Variants in POU2F2 observed in about 807,000 individuals in gnomAD.
POU2F2 encodes the protein POU domain, class 2, transcription factor 2.
POU2F2 carries 14 observed loss-of-function variants against 63.5 expected under a neutral mutation model. That is an observed-to-expected ratio of 0.22 (90% CI 0.15 to 0.34). The LOEUF (loss-of-function observed/expected upper bound fraction) is 0.34, where lower values mean the gene tolerates loss of function less well. POU2F2 is among the 10% of genes least tolerant of loss of function. The pLI, the probability that POU2F2 is intolerant of heterozygous loss-of-function variation, is 1.00. For synonymous variants in POU2F2, 306 were observed against 348.6 expected (o/e 0.88, Z 1.36); for missense variants, 607 against 815.2 (o/e 0.74, Z 3.11).
At chr19:42,191,744 G>A (rs1226342197) in intron 1 of POU2F2, among the ~76,000 whole-genome samples, 2 of 152,166 alleles carry the variant, frequency 1.3e-5, no homozygotes, top group Non-Finnish European at 1.5e-5. Context: ...TGGCAGTGAG[G>A]GGCTGTCAGA....
chr19:42,195,889 T>G (rs1012863113), intron 1 of POU2F2, among the ~76,000 whole-genome samples: 1 of 151,014 alleles, frequency 6.6e-6, no homozygotes, highest in Non-Finnish European at 1.5e-5. Flanking sequence ...AAGAGATCCT[T>G]CTGCTTCAGC....
At position 42,155,110 on chromosome 19, in the gene POU2F2, A is replaced by T. The variant is rs920446076; in HGVS notation, c.-9+5222T>A. On this transcript the variant is annotated intron_variant, in intron 2 of 6. Transcript: ENST00000524801. This position sits in a 1 kb window ranked among gnomAD's most constrained non-coding sequence, Gnocchi z 4.2. ...GTGAGGTCCTTCCTTCCTGCCCCAC[A>T]GTCCTGCCCACCTGCCTCAGCTGCA... Among the ~76,000 whole-genome samples the T allele has an allele frequency of 6.6e-6, 1 of 152,180 alleles. No homozygotes were observed. Among genetic ancestry groups the T allele is most frequent in the Non-Finnish European group, 1.5e-5 (1 of 68,014 alleles).
intron 5 of POU2F2, among the ~76,000 whole-genome samples, chr19:42,108,704 C>T (rs2030559613): frequency 6.6e-6 from 1 of 152,248 alleles, no homozygotes. Context: ...CCAGCGGCAG[C>T]ATGGCCCTCT....
intron 1 of POU2F2, among the ~76,000 whole-genome samples, chr19:42,192,595 CT>C (rs1410823261): frequency 6.6e-6 from 1 of 152,152 alleles, no homozygotes; most frequent in Non-Finnish European, 1.5e-5. Flanking sequence ...CCTAATGCTT[CT>C]TTTAAACCTC....
intron 1 of POU2F2, among the ~76,000 whole-genome samples, chr19:42,128,207 T>G (rs1051768307): frequency 3.3e-5 from 5 of 152,036 alleles, no homozygotes; most frequent in African/African-American, 1.2e-4. Flanking sequence ...GAGTACGTCT[T>G]TGGAATGAAT....
intron 1 of POU2F2, among the ~76,000 whole-genome samples, chr19:42,195,330 CTT>C (rs894258162): frequency 8.0e-5 from 10 of 125,512 alleles, no homozygotes; most frequent in African/African-American, 2.2e-4. Context: ...CCCTCTTTTT[CTT>C]TTTTTTTTTT....
intron 1 of POU2F2, among the ~76,000 whole-genome samples, chr19:42,189,743 T>A (rs2035055693): frequency 6.6e-6 from 1 of 151,690 alleles, no homozygotes; most frequent in Admixed American, 6.6e-5. Context: ...GTTTGTTTTG[T>A]TTCTTTGTTT....
chr19:42,151,106 ACTGT>A (rs1366192743), intron 2 of POU2F2, among the ~76,000 whole-genome samples: 4 of 152,278 alleles, frequency 2.6e-5, no homozygotes, highest in Admixed American at 6.5e-5. Flanking sequence ...GATGGTCAGA[ACTGT>A]CTGTCAAGGT....
chr19:42,127,539 C>T (rs974926225), intron 1 of POU2F2, among the ~76,000 whole-genome samples: 5 of 152,032 alleles, frequency 3.3e-5, no homozygotes, highest in African/African-American at 4.8e-5. Context: ...CGCGCCACTA[C>T]GACTGGCTAA....
At chr19:42,158,789 C>A (rs761933487) in intron 2 of POU2F2, among the ~76,000 whole-genome samples, 4 of 152,232 alleles carry the variant, frequency 2.6e-5, no homozygotes, top group Non-Finnish European at 5.9e-5. Flanking sequence ...TTAAACCCCT[C>A]TGTTACTTCA....
At chr19:42,139,306 C>T (rs942852443) in intron 2 of POU2F2, among the ~76,000 whole-genome samples, 3 of 152,016 alleles carry the variant, frequency 2.0e-5, no homozygotes, top group African/African-American at 7.2e-5. Context: ...GGTGACAGAG[C>T]GAGACTGTCT....
At chr19:42,099,958 C>T in intron 5 of POU2F2, 137 bp from the exon 6 acceptor site, 5 of 687,546 alleles carry the variant, frequency 7.3e-6, no homozygotes, top group Middle Eastern at 4.0e-4. Flanking sequence ...AGTGAGGGAT[C>T]GTCCACTCGG....
At chr19:42,106,376 G>A (rs557150562) in intron 5 of POU2F2, among the ~76,000 whole-genome samples, 1 of 152,280 alleles carries the variant, frequency 6.6e-6, no homozygotes, top group Admixed American at 6.5e-5. Context: ...CTCTCAAAGT[G>A]CTGGGGTCAC....
At chr19:42,192,532 A>G (rs2035085307) in intron 1 of POU2F2, among the ~76,000 whole-genome samples, 1 of 152,084 alleles carries the variant, frequency 6.6e-6, no homozygotes, top group Non-Finnish European at 1.5e-5. Flanking sequence ...AGAAAAGTCT[A>G]CCTCTGCATC....
chr19:42,171,311 C>T (rs1425422982), intron 1 of POU2F2, among the ~76,000 whole-genome samples: 3 of 151,520 alleles, frequency 2.0e-5, no homozygotes, highest in African/African-American at 4.9e-5. Context: ...TGTGTGTATG[C>T]GTGTGTGTCT....
Position 42,188,669 on chromosome 19 carries a change from C to CA in POU2F2, c.-70+7713dup, listed in dbSNP as rs998040622. ...CTGGGGGACGAGAGAGAGTTCATCT[C>CA]AAAAAAAAAAAAAAAAAGAAAGAAA... On this transcript the variant is annotated intron_variant, in intron 1 of 5. Coordinates refer to the POU2F2 transcript ENST00000532176. Among the ~76,000 whole-genome samples, 274 of 37,768 alleles carry CA rather than the reference C, an allele frequency of 7.3e-3. 2 individuals carry two copies. The highest frequency in any genetic ancestry group is 0.016 in the South Asian group (18 of 1,134). 24.8% of individuals were successfully genotyped at this position (37,768 alleles called of 152,430 possible).
chr19:42,147,577 A>T (rs1254169883), intron 2 of POU2F2, among the ~76,000 whole-genome samples: 3 of 152,258 alleles, frequency 2.0e-5, no homozygotes, highest in East Asian at 3.8e-4. Context: ...CGCTGGGCAC[A>T]TAGTGGGTGC....
chr19:42,102,296 C>G (rs565568402), intron 5 of POU2F2, among the ~76,000 whole-genome samples: 1 of 152,226 alleles, frequency 6.6e-6, no homozygotes, highest in East Asian at 1.9e-4. Flanking sequence ...CTGTACGATT[C>G]TAATGGTTGA....
chr19:42,161,288 C>T (rs972427860), intron 1 of POU2F2, among the ~76,000 whole-genome samples: 3 of 152,166 alleles, frequency 2.0e-5, no homozygotes, highest in Admixed American at 2.0e-4. Context: ...AAAGACGAGG[C>T]TTCCAGATTG....
Sources: gnomAD v4.1 joint callset for allele counts (sites outside exome capture counted in the v4.1 genomes callset) on GRCh38, gnomAD v4.1.1 for gene constraint, Gnocchi (gnomAD v3.1) non-coding constraint, MANE v1.5 for transcripts, NCBI Gene and HGNC (gene_info 2026-07-23, HGNC 2026-07-21) for gene names.